AUTS2: variants seen among roughly 807,000 people sequenced by gnomAD.
AUTS2 encodes activator of transcription and developmental regulator AUTS2.
AUTS2 carries 17 observed loss-of-function variants against 112.4 expected under a neutral mutation model. The ratio of observed to expected loss-of-function variants is 0.15; its 90% CI spans 0.10 to 0.23. AUTS2 has a LOEUF of 0.23. AUTS2 is among the 10% of genes least tolerant of loss of function. AUTS2 has a pLI of 1.00. For synonymous variants in AUTS2, 751 were observed against 702.7 expected, an observed-to-expected ratio of 1.07 and a Z score of -1.09; for missense variants, 1,510 against 1,701.6, an observed-to-expected ratio of 0.89 and a Z score of 1.98.
chr7:69,745,937 G>A (rs1165167492), intron 1 of AUTS2, among the ~76,000 whole-genome samples: 1 of 152,116 alleles, frequency 6.6e-6, no homozygotes, highest in Non-Finnish European at 1.5e-5. Flanking sequence ...GCAGGAGCAC[G>A]ATCATAGCTC....
At chr7:70,771,439 T>C in intron 10 of AUTS2, 110 bp from the exon 11 acceptor site, 1 of 799,838 alleles carries the variant, frequency 1.3e-6, no homozygotes, top group Non-Finnish European at 2.0e-6. Context: ...GGCATCAAAC[T>C]GAGATTACGT....
At chr7:70,122,887 TTC>T (rs1491175228) in intron 3 of AUTS2, among the ~76,000 whole-genome samples, 1 of 149,238 alleles carries the variant, frequency 6.7e-6, no homozygotes, top group Admixed American at 6.7e-5. Context: ...TTTTTTTTTT[TTC>T]CGTGACACGG....
At chr7:70,197,094 G>C (rs756290007) in intron 4 of AUTS2, among the ~76,000 whole-genome samples, 3 of 152,064 alleles carry the variant, frequency 2.0e-5, no homozygotes, top group Non-Finnish European at 4.4e-5. Context: ...ATACATTTGC[G>C]ACATGTGGTA....
chr7:69,623,878 T>C (rs1793804659), intron 1 of AUTS2, among the ~76,000 whole-genome samples: 1 of 152,126 alleles, frequency 6.6e-6, no homozygotes, highest in Admixed American at 6.5e-5. Context: ...CCACAAAAAA[T>C]GATTTTTATT....
In AUTS2 at chr7:70,790,620, T is replaced by C. The variant is rs772071144; in HGVS notation, c.3404T>C (p.Leu1135Pro). The stretch of plus-strand genomic sequence containing the variant: ...CACCACCACCACCACCACCACCCGC[T>C]GTCTGTGGACCCTCGGCGGGAGCAC... ...SHHHHHHHHP[L>P]SVDPRREHER... Residue 1135 changes from leucine (L) to proline (P), a missense_variant, in exon 19 of 19, where the codon CTG becomes CCG. Coordinates refer to ENST00000342771, the MANE Select transcript of AUTS2 (RefSeq NM_015570.4). This position sits in a 1 kb window ranked among gnomAD's most constrained non-coding sequence, Gnocchi z 7.6. 1.2e-6 allele frequency: 2 copies of C among 1,608,996 alleles called. No individual in the cohort carries two copies. The highest frequency in any genetic ancestry group is 2.2e-5 in the South Asian group (2 of 90,078).
In AUTS2 at chr7:69,602,078, GTGTGTGTGTGTGTGTA is replaced by G. The variant is rs1324962927; in HGVS notation, c.309+2118_309+2133del. On this transcript the variant is annotated intron_variant, in intron 1 of 18. Coordinates refer to ENST00000342771, the MANE Select transcript of AUTS2 (RefSeq NM_015570.4). ...TGTGTGTGTGTGTGTGTGTGTGTGT[GTGTGTGTGTGTGTGTA>G]TATCTCACTTATGCAGTTCTTTTTG... Among the ~76,000 whole-genome samples, 230 of 63,150 alleles carry G rather than the reference GTGTGTGTGTGTGTGTA, an allele frequency of 3.6e-3. 4 individuals carry two copies. Among genetic ancestry groups the G allele is most frequent in the East Asian group, 0.012 (23 of 1,942 alleles). 41.4% of individuals were successfully genotyped at this position (63,150 alleles called of 152,430 possible). A position where few individuals can be genotyped will look rare whatever the true frequency, so the allele number is the denominator to read the frequency against.
intron 4 of AUTS2, among the ~76,000 whole-genome samples, chr7:70,179,674 C>T (rs1049890841): frequency 6.6e-6 from 1 of 152,160 alleles, no homozygotes; most frequent in African/African-American, 2.4e-5. Context: ...ATAGGGGCTC[C>T]TTCATGTGAA....
At chr7:70,574,573 T>A (rs1345036226) in intron 5 of AUTS2, among the ~76,000 whole-genome samples, 1 of 152,176 alleles carries the variant, frequency 6.6e-6, no homozygotes. Context: ...GTTTGGGCTT[T>A]TCCATTAAAA....
chr7:70,261,328 T>G (rs1409437476), intron 4 of AUTS2, among the ~76,000 whole-genome samples: 1 of 152,130 alleles, frequency 6.6e-6, no homozygotes, highest in African/African-American at 2.4e-5. Context: ...GGTGCAGGGG[T>G]GGGAACACTG....
intron 4 of AUTS2, among the ~76,000 whole-genome samples, chr7:70,249,278 T>A (rs967326958): frequency 3.3e-5 from 5 of 152,216 alleles, no homozygotes; most frequent in Non-Finnish European, 7.3e-5. Flanking sequence ...CTTCTTTTTT[T>A]AATTTTAAAT....
chr7:70,043,985 C>A (rs985196960), intron 2 of AUTS2, among the ~76,000 whole-genome samples: 1 of 152,076 alleles, frequency 6.6e-6, no homozygotes, highest in Non-Finnish European at 1.5e-5. Flanking sequence ...GGGTGGAGAG[C>A]CCTCTCTAGA....
intron 4 of AUTS2, among the ~76,000 whole-genome samples, chr7:70,365,719 G>T (rs1259275786): frequency 1.3e-5 from 2 of 152,220 alleles, no homozygotes; most frequent in Non-Finnish European, 2.9e-5. Context: ...CTTCAGATAA[G>T]ATCAATTTTA....
chr7:69,868,301 G>T (rs528555114), intron 1 of AUTS2, among the ~76,000 whole-genome samples: 4 of 152,164 alleles, frequency 2.6e-5, no homozygotes, highest in Non-Finnish European at 5.9e-5. Context: ...TAGTGCAAGC[G>T]GTAGACCATT....
intron 1 of AUTS2, among the ~76,000 whole-genome samples, chr7:69,870,436 GTA>G (rs1793430251): frequency 5.4e-5 from 1 of 18,680 alleles, no homozygotes; most frequent in Non-Finnish European, 1.0e-4. Context: ...ATATCTGTGC[GTA>G]TGTGTGTGTA....
rs150618271 is a variant in AUTS2 at position 69,967,719 on chromosome 7, T to C, written c.522+68221T>C. On this transcript the variant is annotated intron_variant, in intron 2 of 18. Transcript: ENST00000342771. Reference sequence around the variant, plus strand: ...TTGTGGGTTTTTTGTTTTTGCTCTTTTCATTTTTCTTTTCCTCTGAGGGCA... The same window carrying C: ...TTGTGGGTTTTTTGTTTTTGCTCTTCTCATTTTTCTTTTCCTCTGAGGGCA... Among the ~76,000 whole-genome samples, 1,346 of 152,320 alleles carry C rather than the reference T, an allele frequency of 8.8e-3. 23 individuals are homozygous for C. The highest frequency in any genetic ancestry group is 0.031 in the African/African-American group (1,279 of 41,582).
At chr7:69,807,598 C>G (rs1260779039) in intron 1 of AUTS2, among the ~76,000 whole-genome samples, 1 of 151,658 alleles carries the variant, frequency 6.6e-6, no homozygotes, top group Non-Finnish European at 1.5e-5. Flanking sequence ...TGGAAATTTT[C>G]AACCTGTGTA....
chr7:70,653,661 A>G (rs1806624645), intron 5 of AUTS2, among the ~76,000 whole-genome samples: 1 of 152,222 alleles, frequency 6.6e-6, no homozygotes, highest in Non-Finnish European at 1.5e-5. Flanking sequence ...ATCTTCAGTC[A>G]TCTTTGCACC....
At chr7:70,366,160 A>G (rs1792558888) in intron 4 of AUTS2, among the ~76,000 whole-genome samples, 1 of 152,190 alleles carries the variant, frequency 6.6e-6, no homozygotes, top group Non-Finnish European at 1.5e-5. Context: ...AGAGAGAGGA[A>G]GTTCTCCTAT....
At chr7:70,122,529 C>G (rs1316755129) in intron 3 of AUTS2, among the ~76,000 whole-genome samples, 1 of 151,936 alleles carries the variant, frequency 6.6e-6, no homozygotes, top group Non-Finnish European at 1.5e-5. Flanking sequence ...TCTTTGTATG[C>G]CTGGCAGTTT....
Sources: allele counts gnomAD v4.1 joint callset (sites outside exome capture counted in the v4.1 genomes callset), GRCh38; gene constraint gnomAD v4.1.1; non-coding constraint Gnocchi (gnomAD v3.1); transcripts MANE v1.5; gene names NCBI Gene and HGNC (gene_info 2026-07-23, HGNC 2026-07-21).